The following CHN1 variants were observed in gnomAD, a reference collection of about 807,000 sequenced individuals.
CHN1 encodes N-chimaerin.
In CHN1, 37 loss-of-function variants were observed where a neutral mutation model predicts 59.5. That is an observed-to-expected ratio of 0.62 (90% confidence interval 0.48 to 0.82). The LOEUF (loss-of-function observed/expected upper bound fraction) is 0.82, where lower values mean the gene tolerates loss of function less well. Ranked by LOEUF, CHN1 falls within the 40% of genes least tolerant of loss-of-function variation. The pLI is 0.00. For synonymous variants in CHN1, 206 were observed against 200.4 expected (o/e 1.03, Z -0.24); for missense variants, 469 against 571.0 (o/e 0.82, Z 1.82).
chr2:174,804,616 A>C (rs1231619811), intron 11 of CHN1, among the ~76,000 whole-genome samples: 1 of 152,186 alleles, frequency 6.6e-6, no homozygotes, highest in Non-Finnish European at 1.5e-5. Context: ...AATTTGTTGG[A>C]TTCTGGGTAT....
At chr2:174,913,192 A>G (rs1688749661) in intron 5 of CHN1, among the ~76,000 whole-genome samples, 1 of 152,206 alleles carries the variant, frequency 6.6e-6, no homozygotes, top group Non-Finnish European at 1.5e-5. Context: ...TGTAGTTAGG[A>G]AAAACTGAGT....
chr2:174,923,286 G>A (rs911793119), intron 3 of CHN1, among the ~76,000 whole-genome samples: 93 of 152,052 alleles, frequency 6.1e-4, no homozygotes, highest in African/African-American at 2.1e-3. Flanking sequence ...GACTACAGGC[G>A]CCCGCCACCA....
chr2:174,870,072 G>A (rs1368997773), intron 6 of CHN1, among the ~76,000 whole-genome samples: 1 of 152,198 alleles, frequency 6.6e-6, no homozygotes, highest in African/African-American at 2.4e-5. Context: ...ATTTAAGAAT[G>A]TAAACGAAGC....
At chr2:174,940,399 T>C (rs561787415) in intron 3 of CHN1, among the ~76,000 whole-genome samples, 1 of 152,312 alleles carries the variant, frequency 6.6e-6, no homozygotes, top group Non-Finnish European at 1.5e-5. Flanking sequence ...ATACAGTCCA[T>C]ACTCAAATTT....
At position 174,800,040 on chromosome 2, in the gene CHN1, G is replaced by A; in HGVS notation, c.*76C>T. The A allele has an allele frequency of 7.5e-7, 1 of 1,336,740 alleles. No homozygotes were observed. Among genetic ancestry groups the A allele is most frequent in the Non-Finnish European group, 1.0e-6 (1 of 959,358 alleles). The allele number at this position is 1,336,740 out of a possible 1,614,324, so 82.8% of individuals were successfully genotyped here. A position where few individuals can be genotyped will look rare whatever the true frequency, so the allele number is the denominator to read the frequency against. ...AAACCTCTAATCAAGAAATAATGCA[G>A]CTACAGGAGCAAATTAAATTACTAT... is the stretch of plus-strand genomic sequence containing the variant. On this transcript the variant is annotated 3_prime_UTR_variant, in exon 13 of 13. Transcript: ENST00000409900.
intron 7 of CHN1, among the ~76,000 whole-genome samples, chr2:174,844,854 T>A (rs1010892069): frequency 3.9e-5 from 6 of 152,148 alleles, no homozygotes; most frequent in Admixed American, 2.6e-4. Context: ...ATGCAACTCA[T>A]TGTCTAAAAT....
intron 8 of CHN1, among the ~76,000 whole-genome samples, chr2:174,814,289 C>G (rs1329868239): frequency 8.0e-6 from 1 of 125,628 alleles, no homozygotes; most frequent in Non-Finnish European, 1.8e-5. Context: ...ACAAAGAGCT[C>G]AATCTACACT....
Position 174,804,885 on chromosome 2 carries a change from T to C in CHN1, c.1103-3073A>G, listed in dbSNP as rs144381700. On this transcript the variant is annotated intron_variant, in intron 11 of 12. Coordinates refer to ENST00000409900, the MANE Select transcript of CHN1 (RefSeq NM_001822.7). ...CATTTACATCTCCAGGCTGGAGATATACATTTGGAAACAAATGACAAAATG... is the reference window on the plus strand; with the variant it reads ...CATTTACATCTCCAGGCTGGAGATACACATTTGGAAACAAATGACAAAATG... Among the ~76,000 whole-genome samples the C allele has an allele frequency of 5.4e-3, 828 of 152,352 alleles. 3 individuals carry two copies. The highest frequency in any genetic ancestry group is 0.019 in the African/African-American group (786 of 41,572).
At chr2:174,813,312 C>T (rs1016064355) in intron 8 of CHN1, among the ~76,000 whole-genome samples, 42 of 152,138 alleles carry the variant, frequency 2.8e-4, no homozygotes, top group East Asian at 7.7e-4. Flanking sequence ...GCTGAAGAGA[C>T]GTATAGGATG....
intron 3 of CHN1, among the ~76,000 whole-genome samples, chr2:174,930,548 C>T (rs1445551616): frequency 6.6e-6 from 1 of 151,890 alleles, no homozygotes; most frequent in Non-Finnish European, 1.5e-5. Flanking sequence ...GGTTGGGGGG[C>T]AAGTCAAGTA....
chr2:174,870,998 C>T (rs1319092430), intron 6 of CHN1, among the ~76,000 whole-genome samples: 1 of 152,040 alleles, frequency 6.6e-6, no homozygotes, highest in Non-Finnish European at 1.5e-5. Context: ...CTGGTTTTCC[C>T]TAATGGCCTT....
chr2:174,916,307 AT>A (rs568859282), intron 4 of CHN1, among the ~76,000 whole-genome samples: 1 of 151,940 alleles, frequency 6.6e-6, no homozygotes, highest in Non-Finnish European at 1.5e-5. Context: ...GATTCACTTT[AT>A]TTTTTTCTGT....
intron 5 of CHN1, among the ~76,000 whole-genome samples, chr2:174,890,552 T>C (rs192026023): frequency 1.6e-3 from 250 of 152,104 alleles, no homozygotes; most frequent in African/African-American, 5.6e-3. Flanking sequence ...AGAAAAAATA[T>C]ATACGCACCT....
chr2:174,894,277 C>T (rs1246500284), intron 5 of CHN1, among the ~76,000 whole-genome samples: 1 of 151,868 alleles, frequency 6.6e-6, no homozygotes, highest in African/African-American at 2.4e-5. Context: ...AACTCAATAA[C>T]CAAAAAGTAG....
intron 6 of CHN1, among the ~76,000 whole-genome samples, chr2:174,867,816 T>C (rs536488334): frequency 2.7e-4 from 41 of 152,334 alleles, no homozygotes; most frequent in Middle Eastern, 3.4e-3. Context: ...AAACATTCCT[T>C]GCCCCCAACT....
intron 7 of CHN1, among the ~76,000 whole-genome samples, chr2:174,830,191 C>A (rs1215379632): frequency 6.6e-6 from 1 of 151,996 alleles, no homozygotes; most frequent in East Asian, 1.9e-4. Flanking sequence ...CGAGATCGTG[C>A]CACTGCACTC....
At chr2:174,911,713 C>T (rs1032503205) in intron 5 of CHN1, among the ~76,000 whole-genome samples, 16 of 152,188 alleles carry the variant, frequency 1.1e-4, no homozygotes, top group African/African-American at 3.9e-4. Flanking sequence ...ATACACACTC[C>T]CCTAAACAGC....
intron 1 of CHN1, among the ~76,000 whole-genome samples, chr2:174,976,649 C>T (rs910807409): frequency 2.0e-5 from 3 of 152,198 alleles, no homozygotes. Context: ...TCCTCTTGCA[C>T]TTGCATCTTC....
intron 3 of CHN1, among the ~76,000 whole-genome samples, chr2:174,924,660 C>G (rs991949908): frequency 1.3e-5 from 2 of 151,880 alleles, no homozygotes; most frequent in Admixed American, 1.3e-4. Flanking sequence ...ATCATCTTTT[C>G]AAACTCAGAG....
Sources: gnomAD v4.1 joint callset for allele counts (sites outside exome capture counted in the v4.1 genomes callset) on GRCh38, gnomAD v4.1.1 for gene constraint, MANE v1.5 for transcripts, NCBI Gene and HGNC (gene_info 2026-07-23, HGNC 2026-07-21) for gene names.